The following ZNF521 variants were observed in gnomAD, a reference collection of about 807,000 sequenced individuals.
The protein encoded by ZNF521 is LYST-interacting protein 3.
In ZNF521, 14 loss-of-function variants were observed where a neutral mutation model predicts 105.5. The ratio of observed to expected loss-of-function variants is 0.13; its 90% CI spans 0.09 to 0.21. The LOEUF (loss-of-function observed/expected upper bound fraction) is 0.21. ZNF521 is among the 10% of genes least tolerant of loss of function. The pLI is 1.00. For synonymous variants in ZNF521, 635 were observed against 606.0 expected, an observed-to-expected ratio of 1.05 and a Z score of -0.70; for missense variants, 1,233 against 1,629.7, an observed-to-expected ratio of 0.76 and a Z score of 4.19.
chr18:25,200,281 C>T (rs1397697744), intron 4 of ZNF521, among the ~76,000 whole-genome samples: 2 of 152,128 alleles, frequency 1.3e-5, no homozygotes, highest in African/African-American at 4.8e-5. Flanking sequence ...TCGGTAGCCA[C>T]GTTAGCCTTA....
chr18:25,120,798 G>C (rs1000969320), intron 5 of ZNF521, among the ~76,000 whole-genome samples: 2 of 152,084 alleles, frequency 1.3e-5, no homozygotes, highest in Admixed American at 6.6e-5. Context: ...ATTAAAAACT[G>C]ATCTGTGAAC....
At chr18:25,328,843 C>T (rs200665563) in intron 2 of ZNF521, among the ~76,000 whole-genome samples, 3 of 152,178 alleles carry the variant, frequency 2.0e-5, no homozygotes, top group East Asian at 1.9e-4. Context: ...TGAGCCATCG[C>T]GCTGGCCTAT....
intron 4 of ZNF521, among the ~76,000 whole-genome samples, chr18:25,211,404 A>T (rs1600159085): frequency 6.6e-6 from 1 of 152,204 alleles, no homozygotes; most frequent in South Asian, 2.1e-4. Context: ...ACACCTGTAT[A>T]CCTGGACTCC....
At chr18:25,209,362 C>T (rs563172421) in intron 4 of ZNF521, among the ~76,000 whole-genome samples, 61 of 152,208 alleles carry the variant, frequency 4.0e-4, no homozygotes, top group Middle Eastern at 6.8e-3. Flanking sequence ...CTACCCACCT[C>T]GGCCTCCCAA....
chr18:25,102,523 T>C (rs1567962436), intron 5 of ZNF521, among the ~76,000 whole-genome samples: 1 of 150,652 alleles, frequency 6.6e-6, no homozygotes, highest in South Asian at 2.1e-4. Context: ...ATATATATAG[T>C]TTTTATTTTT....
chr18:25,195,319 T>C (rs1233556208), intron 4 of ZNF521, 75 bp from the exon 5 acceptor site: 9 of 1,197,862 alleles, frequency 7.5e-6, no homozygotes, highest in Non-Finnish European at 1.1e-5. Flanking sequence ...AAAACATTTT[T>C]CTGAGATGCT....
At chr18:25,182,179 G>A (rs1034156826) in intron 5 of ZNF521, among the ~76,000 whole-genome samples, 2 of 152,134 alleles carry the variant, frequency 1.3e-5, no homozygotes, top group East Asian at 1.9e-4. Context: ...AATAGCCTAA[G>A]TGACCTCTTG....
intron 4 of ZNF521, among the ~76,000 whole-genome samples, chr18:25,203,422 G>T (rs2036025737): frequency 6.6e-6 from 1 of 152,168 alleles, no homozygotes; most frequent in Non-Finnish European, 1.5e-5. Context: ...TTCAAGACTA[G>T]TCTGGGCAAG....
At chr18:25,288,609 A>G (rs551493474) in intron 3 of ZNF521, among the ~76,000 whole-genome samples, 2 of 152,028 alleles carry the variant, frequency 1.3e-5, no homozygotes, top group African/African-American at 2.4e-5. Flanking sequence ...AAAAAAAAAA[A>G]AAGAAATCAT....
chr18:25,337,339 G>C (rs1470142219), intron 2 of ZNF521, among the ~76,000 whole-genome samples: 1 of 152,120 alleles, frequency 6.6e-6, no homozygotes, highest in African/African-American at 2.4e-5. Flanking sequence ...TATGGCAAAA[G>C]AGAAAAAACT....
intron 5 of ZNF521, among the ~76,000 whole-genome samples, chr18:25,116,955 GTATATATGTATATATATGTA>G (rs1406879643): frequency 2.8e-5 from 3 of 108,824 alleles, no homozygotes; most frequent in African/African-American, 1.2e-4. Flanking sequence ...ACATATATAT[GTATATATGTATATATATGTA>G]TATATATATA....
At chr18:25,238,858 A>G (rs1210510232) in intron 3 of ZNF521, among the ~76,000 whole-genome samples, 1 of 152,154 alleles carries the variant, frequency 6.6e-6, no homozygotes, top group Non-Finnish European at 1.5e-5. Context: ...CTCCTGACTG[A>G]ACTTCTGAGG....
intron 2 of ZNF521, among the ~76,000 whole-genome samples, chr18:25,328,190 T>TA (rs1401224147): frequency 6.6e-6 from 1 of 152,210 alleles, no homozygotes; most frequent in Non-Finnish European, 1.5e-5. Context: ...ATCTCTGTGT[T>TA]AAACAAAATC....
intron 2 of ZNF521, among the ~76,000 whole-genome samples, chr18:25,331,814 A>G (rs1913585152): frequency 6.6e-6 from 1 of 152,108 alleles, no homozygotes; most frequent in Non-Finnish European, 1.5e-5. Flanking sequence ...TGAGAAGGTA[A>G]ACCCCAACCT....
intron 5 of ZNF521, among the ~76,000 whole-genome samples, chr18:25,157,000 A>T (rs1433594805): frequency 6.6e-6 from 1 of 152,104 alleles, no homozygotes; most frequent in Non-Finnish European, 1.5e-5. Context: ...GGAGTTCGAG[A>T]CCAGCCTGGC....
intron 2 of ZNF521, among the ~76,000 whole-genome samples, chr18:25,327,085 C>T (rs1568080460): frequency 6.6e-6 from 1 of 150,830 alleles, no homozygotes; most frequent in African/African-American, 2.4e-5. Context: ...AAAACTGTCA[C>T]AAAAAAAAAT....
chr18:25,304,686 T>C (rs1423107335), intron 3 of ZNF521, among the ~76,000 whole-genome samples: 1 of 152,178 alleles, frequency 6.6e-6, no homozygotes, highest in Non-Finnish European at 1.5e-5. Context: ...TTCCCAATGA[T>C]TACTCTGGGC....
chr18:25,149,497 A>G (rs1567983321), intron 5 of ZNF521, among the ~76,000 whole-genome samples: 1 of 152,170 alleles, frequency 6.6e-6, no homozygotes, highest in Non-Finnish European at 1.5e-5. Flanking sequence ...GGAAGCCCAT[A>G]TTTTATGGCT....
intron 2 of ZNF521, among the ~76,000 whole-genome samples, chr18:25,344,564 C>T (rs1914379797): frequency 6.6e-6 from 1 of 152,126 alleles, no homozygotes; most frequent in South Asian, 2.1e-4. Flanking sequence ...ACCCCTAGAA[C>T]TAACTTTAAC....
Sources: gnomAD v4.1 joint callset for allele counts (sites outside exome capture counted in the v4.1 genomes callset) on GRCh38, gnomAD v4.1.1 for gene constraint, MANE v1.5 for transcripts, NCBI Gene and HGNC (gene_info 2026-07-23, HGNC 2026-07-21) for gene names.